Variants in ASIC2 observed in about 807,000 individuals in gnomAD.
ASIC2 encodes acid sensing ion channel subunit 2, also known as acid-sensing ion channel 2.
ASIC2 carries 25 observed loss-of-function variants against 57.3 expected under a neutral mutation model. The observed-to-expected ratio is 0.44, with a 90% CI of 0.32 to 0.61. The LOEUF (loss-of-function observed/expected upper bound fraction) is 0.61, where lower values mean the gene tolerates loss of function less well. ASIC2 is among the 20% of genes least tolerant of loss of function. The probability of loss-of-function intolerance (pLI) is 0.06; values close to 1 mark genes in which losing one functional copy is unlikely to be tolerated. For synonymous variants in ASIC2, 319 were observed against 307.5 expected, an observed-to-expected ratio of 1.04 and a Z score of -0.39; for missense variants, 641 against 738.1, an observed-to-expected ratio of 0.87 and a Z score of 1.52.
At chr17:33,443,155 G>A (rs957773027) in intron 1 of ASIC2, among the ~76,000 whole-genome samples, 3 of 152,120 alleles carry the variant, frequency 2.0e-5, no homozygotes, top group Non-Finnish European at 4.4e-5. Flanking sequence ...GATGAATTCA[G>A]TTTGCTAATA....
At chr17:33,400,756 C>T (rs1910253782) in intron 1 of ASIC2, among the ~76,000 whole-genome samples, 1 of 152,196 alleles carries the variant, frequency 6.6e-6, no homozygotes, top group Non-Finnish European at 1.5e-5. Flanking sequence ...TTCATATCTT[C>T]CCTTTCACCT....
At chr17:33,142,590 A>G (rs1339250190) in intron 1 of ASIC2, among the ~76,000 whole-genome samples, 1 of 152,190 alleles carries the variant, frequency 6.6e-6, no homozygotes, top group Non-Finnish European at 1.5e-5. Flanking sequence ...CAGAAAGCAC[A>G]AAGAACAAGT....
At chr17:33,664,428 C>A (rs1907403571) in intron 1 of ASIC2, among the ~76,000 whole-genome samples, 1 of 152,174 alleles carries the variant, frequency 6.6e-6, no homozygotes, top group Non-Finnish European at 1.5e-5. Context: ...TATCAATATG[C>A]CCCACTCTGC....
At chr17:33,458,927 C>T (rs890631562) in intron 1 of ASIC2, among the ~76,000 whole-genome samples, 6 of 151,908 alleles carry the variant, frequency 3.9e-5, no homozygotes, top group South Asian at 2.1e-4. Flanking sequence ...GGTTTCTGTC[C>T]GACTGAACCT....
chr17:33,904,690 G>A (rs1915309838), intron 1 of ASIC2, among the ~76,000 whole-genome samples: 1 of 152,148 alleles, frequency 6.6e-6, no homozygotes, highest in Non-Finnish European at 1.5e-5. Context: ...TGATAAGTTA[G>A]AACCACCTGA....
chr17:33,295,552 C>A (rs532457973), upstream of ASIC2, among the ~76,000 whole-genome samples: 2 of 152,094 alleles, frequency 1.3e-5, no homozygotes, highest in Non-Finnish European at 2.9e-5. Context: ...TCCTATGATC[C>A]CAGCATACCT....
intron 1 of ASIC2, among the ~76,000 whole-genome samples, chr17:33,214,920 G>T (rs1907419780): frequency 1.3e-5 from 2 of 152,200 alleles, no homozygotes; most frequent in African/African-American, 2.4e-5. Flanking sequence ...AAGCTCAGGA[G>T]CTACAGACAT....
intron 1 of ASIC2, among the ~76,000 whole-genome samples, chr17:33,205,704 G>T (rs115860372): frequency 6.2e-4 from 95 of 152,282 alleles, no homozygotes; most frequent in African/African-American, 2.3e-3. Context: ...ATTCAGTTCT[G>T]GTTGGGTCCT....
chr17:33,948,150 G>A (rs1277730024), intron 1 of ASIC2, among the ~76,000 whole-genome samples: 1 of 152,194 alleles, frequency 6.6e-6, no homozygotes, highest in Non-Finnish European at 1.5e-5. Context: ...TGGGGCAGAA[G>A]GGAACACTCC....
intron 1 of ASIC2, chr17:34,004,316 G>A (rs1415808525): frequency 6.6e-6 from 1 of 152,160 alleles, no homozygotes; most frequent in Non-Finnish European, 1.5e-5. Context: ...AGGCTTTTTT[G>A]GTTCTGCATC....
At chr17:34,103,154 G>A (rs1281395100) in intron 1 of ASIC2, among the ~76,000 whole-genome samples, 1 of 151,982 alleles carries the variant, frequency 6.6e-6, no homozygotes, top group Non-Finnish European at 1.5e-5. Flanking sequence ...TTTTTGCAGG[G>A]GAGTGGGAGG....
rs372331401 is a variant in ASIC2, at chr17:33,259,943, C to A, written c.708+31465G>T. ...TGGGGCCCCGCTTTGAGTCATTCTG[C>A]TCCAAGTGACTTTGGGACGCTCTAT... On this transcript the variant is annotated intron_variant, in intron 1 of 9. Transcript: ENST00000225823. Among the ~76,000 whole-genome samples, 150 of 152,248 alleles carry A rather than the reference C, an allele frequency of 9.9e-4. 2 individuals carry two copies. The South Asian group carries it at 0.03, about 31-fold the overall frequency.
At chr17:33,797,031 A>G (rs562064931) in intron 1 of ASIC2, among the ~76,000 whole-genome samples, 25 of 152,324 alleles carry the variant, frequency 1.6e-4, no homozygotes, top group African/African-American at 6.0e-4. Context: ...TGTTCAGTGC[A>G]TGTTATGGGG....
chr17:33,684,708 G>A (rs1452972770), intron 1 of ASIC2, among the ~76,000 whole-genome samples: 1 of 151,976 alleles, frequency 6.6e-6, no homozygotes, highest in African/African-American at 2.4e-5. Flanking sequence ...ACAGAAAGTA[G>A]CAGGCCCCAA....
intron 1 of ASIC2, among the ~76,000 whole-genome samples, chr17:33,981,764 G>A (rs531271993): frequency 5.9e-5 from 9 of 152,106 alleles, no homozygotes; most frequent in Non-Finnish European, 8.8e-5. Flanking sequence ...CATTCTACAT[G>A]CATTATCTTA....
At chr17:33,099,118 G>A (rs1157009139) in intron 2 of ASIC2, among the ~76,000 whole-genome samples, 2 of 151,798 alleles carry the variant, frequency 1.3e-5, no homozygotes, top group South Asian at 2.1e-4. Flanking sequence ...TCAACTGCCC[G>A]AGTAGCTGGG....
At chr17:34,037,842 T>C (rs1489325701) in intron 1 of ASIC2, 3 of 1,613,950 alleles carry the variant, frequency 1.9e-6, no homozygotes, top group Admixed American at 1.7e-5. Context: ...TGCACTTCAG[T>C]AGCTTTAAGA....
chr17:34,039,757 A>C, intron 1 of ASIC2: 1 of 1,612,052 alleles, frequency 6.2e-7, no homozygotes, highest in South Asian at 1.1e-5. Flanking sequence ...GACGCTGCAC[A>C]AGCTCTGGTT....
At chr17:33,521,196 T>A (rs142327350) in intron 1 of ASIC2, among the ~76,000 whole-genome samples, 282 of 152,186 alleles carry the variant, frequency 1.9e-3, no homozygotes, top group African/African-American at 6.5e-3. Context: ...GCGGGAGAAG[T>A]AGCAAATAAA....
Sources: gnomAD v4.1 joint callset for allele counts (sites outside exome capture counted in the v4.1 genomes callset) on GRCh38, gnomAD v4.1.1 for gene constraint, MANE v1.5 for transcripts, NCBI Gene and HGNC (gene_info 2026-07-23, HGNC 2026-07-21) for gene names.